The following SPOCK3 variants were observed in gnomAD, a reference collection of about 807,000 sequenced individuals.
SPOCK3 encodes the protein testican-3.
A neutral mutation model predicts 56.6 loss-of-function variants in SPOCK3; 30 were observed. The ratio of observed to expected loss-of-function variants is 0.53; its 90% CI spans 0.40 to 0.72. The LOEUF (loss-of-function observed/expected upper bound fraction) is 0.72, where lower values mean the gene tolerates loss of function less well. SPOCK3 is among the 30% of genes least tolerant of loss of function. The probability of loss-of-function intolerance (pLI) is 0.00; values close to 1 mark genes in which losing one functional copy is unlikely to be tolerated. For synonymous variants in SPOCK3, 196 were observed against 183.3 expected (o/e 1.07, Z -0.56); for missense variants, 527 against 530.0 (o/e 0.99, Z 0.06).
At chr4:166,955,541 TTATTAAATTATATTATATTATTA>T (rs1250286138) in intron 4 of SPOCK3, among the ~76,000 whole-genome samples, 4 of 143,902 alleles carry the variant, frequency 2.8e-5, no homozygotes, top group African/African-American at 1.0e-4. Context: ...AAATTTAATA[TTATTAAATTATATTATATTATTA>T]AATTTAATAT....
At chr4:167,203,711 TG>T (rs1165415245) in intron 2 of SPOCK3, among the ~76,000 whole-genome samples, 1 of 152,000 alleles carries the variant, frequency 6.6e-6, no homozygotes, top group Non-Finnish European at 1.5e-5. Context: ...GCTGAAGATG[TG>T]GAGTAAAAAT....
intron 3 of SPOCK3, among the ~76,000 whole-genome samples, chr4:167,028,248 G>C (rs778242674): frequency 2.7e-5 from 4 of 150,826 alleles, no homozygotes; most frequent in Non-Finnish European, 4.4e-5. Context: ...TTCCAAGCTT[G>C]GTGGTACATG....
chr4:166,923,804 C>A (rs1738766493), intron 4 of SPOCK3, among the ~76,000 whole-genome samples: 1 of 152,170 alleles, frequency 6.6e-6, no homozygotes, highest in African/African-American at 2.4e-5. Flanking sequence ...GTACTTTTTA[C>A]ACTTTACTGA....
rs905773091 is a variant in SPOCK3, at chr4:166,734,131, A to C, written c.*790T>G. The C allele has an allele frequency of 6.6e-6, 1 of 151,928 alleles. No homozygotes were observed. The highest frequency in any genetic ancestry group is 1.9e-4 in the East Asian group (1 of 5,192). 9.4% of individuals were successfully genotyped at this position (151,928 alleles called of 1,614,324 possible). A position where few individuals can be genotyped will look rare whatever the true frequency, so the allele number is the denominator to read the frequency against. ...AATGAATCTTTCCCTTTGTCTTCCT[A>C]ATTTAAATTCTGCTCCCTAAGTTGC... On this transcript the variant is annotated 3_prime_UTR_variant, in exon 11 of 11. Transcript: ENST00000357545.
At chr4:166,846,635 C>T (rs1236615358) in intron 6 of SPOCK3, among the ~76,000 whole-genome samples, 1 of 152,014 alleles carries the variant, frequency 6.6e-6, no homozygotes, top group Admixed American at 6.6e-5. Flanking sequence ...CATTAGCTCA[C>T]TTTAATTCAC....
intron 6 of SPOCK3, among the ~76,000 whole-genome samples, chr4:166,815,343 T>A (rs1005820080): frequency 6.6e-6 from 1 of 152,082 alleles, no homozygotes; most frequent in Non-Finnish European, 1.5e-5. Context: ...TGGTATTAAA[T>A]GTAGCTTAAA....
chr4:166,941,414 CT>C (rs970945155), intron 4 of SPOCK3, among the ~76,000 whole-genome samples: 3 of 152,126 alleles, frequency 2.0e-5, no homozygotes, highest in African/African-American at 7.2e-5. Context: ...TAACTGTTTC[CT>C]TTTTTATCAA....
intron 2 of SPOCK3, among the ~76,000 whole-genome samples, chr4:167,072,704 C>A (rs1297929990): frequency 1.3e-5 from 2 of 151,840 alleles, no homozygotes; most frequent in Non-Finnish European, 2.9e-5. Flanking sequence ...ATCAGTATCT[C>A]ATCTAGCTTT....
chr4:166,831,135 G>C (rs985747972), intron 6 of SPOCK3, among the ~76,000 whole-genome samples: 12 of 152,064 alleles, frequency 7.9e-5, no homozygotes, highest in Admixed American at 3.9e-4. Context: ...GAAAAATTGG[G>C]GGAGAAATGG....
chr4:167,009,436 C>T (rs915433687), intron 3 of SPOCK3, among the ~76,000 whole-genome samples: 2 of 152,080 alleles, frequency 1.3e-5, no homozygotes, highest in African/African-American at 4.8e-5. Flanking sequence ...TATAAAACTC[C>T]AAGTCTTTTT....
chr4:166,929,604 T>C (rs1444495722), intron 4 of SPOCK3, among the ~76,000 whole-genome samples: 6 of 152,210 alleles, frequency 3.9e-5, no homozygotes, highest in African/African-American at 1.4e-4. Flanking sequence ...AATCTCCCAT[T>C]TTTATGCAGA....
chr4:166,763,007 T>G (rs1034066563), intron 7 of SPOCK3, among the ~76,000 whole-genome samples: 1 of 152,070 alleles, frequency 6.6e-6, no homozygotes. Context: ...ATTACTTACA[T>G]CTTTTTGAAT....
chr4:167,103,999 A>G (rs1759875369), intron 2 of SPOCK3, among the ~76,000 whole-genome samples: 1 of 152,170 alleles, frequency 6.6e-6, no homozygotes, highest in Non-Finnish European at 1.5e-5. Flanking sequence ...CAGTACCACA[A>G]TGAGTATGCA....
chr4:167,197,630 A>G (rs1202624522), intron 2 of SPOCK3, among the ~76,000 whole-genome samples: 2 of 152,088 alleles, frequency 1.3e-5, no homozygotes, highest in Non-Finnish European at 2.9e-5. Context: ...AAATCCCACA[A>G]AAGTGGGAAT....
chr4:167,203,461 TG>T (rs558254097), intron 2 of SPOCK3, among the ~76,000 whole-genome samples: 40 of 151,872 alleles, frequency 2.6e-4, no homozygotes, highest in Admixed American at 2.6e-3. Context: ...TAATACTCCT[TG>T]AAACCAAGGC....
At chr4:166,895,289 T>G (rs576765998) in intron 5 of SPOCK3, among the ~76,000 whole-genome samples, 34 of 152,054 alleles carry the variant, frequency 2.2e-4, no homozygotes, top group African/African-American at 7.7e-4. Context: ...ACTAAGAGGA[T>G]TTTTCAAAGA....
At chr4:167,141,655 A>C (rs1217993659) in intron 2 of SPOCK3, among the ~76,000 whole-genome samples, 1 of 152,032 alleles carries the variant, frequency 6.6e-6, no homozygotes, top group Non-Finnish European at 1.5e-5. Context: ...TTACACCTCC[A>C]GAAAGTAGAG....
chr4:166,740,806 G>A (rs989738158), intron 9 of SPOCK3, among the ~76,000 whole-genome samples: 1 of 152,048 alleles, frequency 6.6e-6, no homozygotes, highest in Non-Finnish European at 1.5e-5. Context: ...GATTACAGGC[G>A]TGAGCCACTG....
chr4:167,091,741 A>G (rs1758719023), intron 2 of SPOCK3, among the ~76,000 whole-genome samples: 1 of 152,200 alleles, frequency 6.6e-6, no homozygotes, highest in South Asian at 2.1e-4. Context: ...CCTAAGGGAT[A>G]AAGAAAGTGG....
Sources: gnomAD v4.1 joint callset for allele counts (sites outside exome capture counted in the v4.1 genomes callset) on GRCh38, gnomAD v4.1.1 for gene constraint, MANE v1.5 for transcripts, NCBI Gene and HGNC (gene_info 2026-07-23, HGNC 2026-07-21) for gene names.